CCSER1: variants seen among roughly 807,000 people sequenced by gnomAD.
CCSER1 encodes coiled-coil serine rich protein 1, also known as serine-rich coiled-coil domain-containing protein 1.
In CCSER1, 41 loss-of-function variants were observed where a neutral mutation model predicts 82.0. That is an observed-to-expected ratio of 0.50 (90% CI 0.39 to 0.65). The LOEUF (loss-of-function observed/expected upper bound fraction) is 0.65. Among genes scored for constraint, CCSER1 ranks in the 30% least tolerant of loss-of-function variants. The pLI, the probability that CCSER1 is intolerant of heterozygous loss-of-function variation, is 0.00. For missense variants in CCSER1, 1,119 were observed against 1,064.2 expected (o/e 1.05, Z -0.72); for synonymous variants, 414 against 383.9 (o/e 1.08, Z -0.92).
rs376326688 is a variant in CCSER1 at position 91,446,676 on chromosome 4, A to ATATATAT, written c.2218-151896_2218-151895insTATATAT. 7.9e-3 allele frequency among the ~76,000 whole-genome samples: 1,128 copies of ATATATAT among 142,504 alleles called. 9 individuals are homozygous for ATATATAT. Among genetic ancestry groups the ATATATAT allele is most frequent in the African/African-American group, 0.015 (598 of 39,206 alleles). The allele number at this position is 142,504 out of a possible 152,430, so 93.5% of individuals were successfully genotyped here. A position where few individuals can be genotyped will look rare whatever the true frequency, so the allele number is the denominator to read the frequency against. On this transcript the variant is annotated intron_variant, in intron 10 of 10. Coordinates refer to ENST00000509176, the MANE Select transcript of CCSER1 (RefSeq NM_001145065.2). The stretch of plus-strand genomic sequence containing the variant: ...TACAAATATATATTTTAAATAAATA[A>ATATATAT]ATATATATATATATATAATAGTCCT...
At chr4:91,206,139 T>G (rs1736324692) in intron 10 of CCSER1, among the ~76,000 whole-genome samples, 1 of 151,892 alleles carries the variant, frequency 6.6e-6, no homozygotes. Context: ...AAATATGGAA[T>G]GAAGAGAGAG....
intron 8 of CCSER1, among the ~76,000 whole-genome samples, chr4:90,836,106 CA>C (rs1761770787): frequency 6.6e-6 from 1 of 152,100 alleles, no homozygotes; most frequent in Admixed American, 6.5e-5. Flanking sequence ...GATATATGTG[CA>C]AATTGTGTGA....
At chr4:91,126,019 G>T (rs748594643) in intron 10 of CCSER1, among the ~76,000 whole-genome samples, 1 of 151,342 alleles carries the variant, frequency 6.6e-6, no homozygotes, top group Non-Finnish European at 1.5e-5. Context: ...ACGGACTCTT[G>T]ATTTACACTC....
chr4:91,460,998 A>T (rs767400996), intron 10 of CCSER1, among the ~76,000 whole-genome samples: 2 of 152,170 alleles, frequency 1.3e-5, no homozygotes, highest in Non-Finnish European at 2.9e-5. Flanking sequence ...ACTTTTAGAG[A>T]TGTCTCCAAG....
chr4:91,382,928 A>C (rs1049229980), intron 10 of CCSER1, among the ~76,000 whole-genome samples: 2 of 152,094 alleles, frequency 1.3e-5, no homozygotes, highest in African/African-American at 4.8e-5. Flanking sequence ...GTTAGCATCC[A>C]TCAATATCGA....
chr4:90,231,573 GC>G (rs1055213100), intron 1 of CCSER1, among the ~76,000 whole-genome samples: 14 of 142,032 alleles, frequency 9.9e-5, no homozygotes, highest in Admixed American at 6.3e-4. Context: ...AGACAGGGAT[GC>G]CCTCTCTCAC....
intron 1 of CCSER1, among the ~76,000 whole-genome samples, chr4:90,301,721 T>C (rs989748363): frequency 1.3e-5 from 2 of 152,078 alleles, no homozygotes; most frequent in African/African-American, 4.8e-5. Flanking sequence ...GACTTCTGAA[T>C]TGAGAAATAT....
intron 7 of CCSER1, among the ~76,000 whole-genome samples, chr4:90,733,599 C>T (rs988600989): frequency 6.6e-6 from 1 of 152,150 alleles, no homozygotes; most frequent in Non-Finnish European, 1.5e-5. Context: ...AAATCCTTGT[C>T]TACTCCATGG....
chr4:91,178,526 C>T (rs989150442), intron 10 of CCSER1, among the ~76,000 whole-genome samples: 2 of 152,162 alleles, frequency 1.3e-5, no homozygotes, highest in Non-Finnish European at 2.9e-5. Context: ...GGATAGTTAG[C>T]TCTTCTTGTT....
At position 90,812,585 on chromosome 4, in the gene CCSER1, G is replaced by T. The variant is rs146395110; in HGVS notation, c.2011-3177G>T. ...GTTTGAGAATTAATATTTAATTATA[G>T]CCAGGGACCAAATGGTAGATATAGT... On this transcript the variant is annotated intron_variant, in intron 7 of 10. Transcript: ENST00000509176. Among the ~76,000 whole-genome samples, 60 of 152,246 alleles carry T rather than the reference G, an allele frequency of 3.9e-4. No homozygotes were observed. In the East Asian group the frequency reaches 0.01, roughly 26 times the overall value.
intron 5 of CCSER1, among the ~76,000 whole-genome samples, chr4:90,579,537 C>A (rs1781177514): frequency 1.3e-5 from 2 of 152,150 alleles, no homozygotes; most frequent in African/African-American, 2.4e-5. Context: ...TAATCCACTT[C>A]ATGTAGTATC....
intron 5 of CCSER1, among the ~76,000 whole-genome samples, chr4:90,548,324 T>A (rs143465153): frequency 1.3e-5 from 2 of 152,104 alleles, no homozygotes; most frequent in Non-Finnish European, 2.9e-5. Context: ...AAGTGCCCCT[T>A]ATCTGTGCAC....
intron 5 of CCSER1, among the ~76,000 whole-genome samples, chr4:90,551,932 T>G (rs1777569439): frequency 1.3e-5 from 2 of 151,942 alleles, no homozygotes; most frequent in East Asian, 3.9e-4. Flanking sequence ...GCTGGCAGGT[T>G]TGGTTGTCTG....
At position 91,602,260 on chromosome 4, in the gene CCSER1, A is replaced by G. The variant is rs1486221190; in HGVS notation, c.*3203A>G. Among the ~76,000 whole-genome samples, 1 of 152,022 alleles carries G rather than the reference A, an allele frequency of 6.6e-6. No individual in the cohort carries two copies. Among genetic ancestry groups the G allele is most frequent in the Non-Finnish European group, 1.5e-5 (1 of 67,932 alleles). On this transcript the variant is annotated 3_prime_UTR_variant, in exon 11 of 11. Coordinates refer to ENST00000509176, the MANE Select transcript of CCSER1 (RefSeq NM_001145065.2). ...TGGGTTTATGATTTAATCCTAACTC[A>G]TTGTCATTATTTCCTGAATGTTGAA...
chr4:91,042,284 G>A (rs916331801), intron 9 of CCSER1, among the ~76,000 whole-genome samples: 1 of 152,054 alleles, frequency 6.6e-6, no homozygotes, highest in South Asian at 2.1e-4. Flanking sequence ...GCGTTCATTC[G>A]CCTTCCTGCT....
chr4:90,294,733 G>T (rs1731539595), intron 1 of CCSER1, among the ~76,000 whole-genome samples: 2 of 151,782 alleles, frequency 1.3e-5, no homozygotes, highest in Non-Finnish European at 2.9e-5. Context: ...AATTCATTCT[G>T]ATTGTTGAAG....
At chr4:90,508,175 A>G (rs375002880) in intron 5 of CCSER1, among the ~76,000 whole-genome samples, 1 of 152,082 alleles carries the variant, frequency 6.6e-6, no homozygotes, top group African/African-American at 2.4e-5. Flanking sequence ...GAAAAATTGT[A>G]CTGAAAATTG....
At chr4:90,423,062 A>T (rs142139484) in intron 4 of CCSER1, among the ~76,000 whole-genome samples, 7 of 152,148 alleles carry the variant, frequency 4.6e-5, no homozygotes, top group Non-Finnish European at 7.4e-5. Flanking sequence ...TTTTTCACAT[A>T]TCTTGGCATC....
intron 7 of CCSER1, among the ~76,000 whole-genome samples, chr4:90,769,065 A>G (rs779711234): frequency 4.8e-4 from 73 of 152,334 alleles, no homozygotes; most frequent in Non-Finnish European, 1.0e-3. Flanking sequence ...GAAAGATTAA[A>G]GCTGGTGACT....
Sources: allele counts gnomAD v4.1 joint callset (sites outside exome capture counted in the v4.1 genomes callset), GRCh38; gene constraint gnomAD v4.1.1; transcripts MANE v1.5; gene names NCBI Gene and HGNC (gene_info 2026-07-23, HGNC 2026-07-21).